Variants in ARFGEF3 observed in about 807,000 individuals in gnomAD.
The protein encoded by ARFGEF3 is ARFGEF family member 3.
ARFGEF3 carries 96 observed loss-of-function variants against 221.7 expected under a neutral mutation model. That is an observed-to-expected ratio of 0.43 (90% confidence interval 0.37 to 0.51). The LOEUF (loss-of-function observed/expected upper bound fraction) is 0.51, where lower values mean the gene tolerates loss of function less well. Among genes scored for constraint, ARFGEF3 ranks in the 20% least tolerant of loss-of-function variants. ARFGEF3 has a pLI of 0.00. For missense variants in ARFGEF3, 2,410 were observed against 2,789.9 expected (o/e 0.86, Z 3.07); for synonymous variants, 1,145 against 1,126.8 (o/e 1.02, Z -0.32).
At chr6:138,289,031 G>A (rs1779350165) in intron 17 of ARFGEF3, among the ~76,000 whole-genome samples, 2 of 152,120 alleles carry the variant, frequency 1.3e-5, no homozygotes, top group Non-Finnish European at 2.9e-5. Context: ...TCGGCTTACT[G>A]CAATCTCCGC....
intron 14 of ARFGEF3, among the ~76,000 whole-genome samples, chr6:138,285,734 A>G (rs1156725267): frequency 6.6e-6 from 1 of 152,226 alleles, no homozygotes; most frequent in Non-Finnish European, 1.5e-5. Flanking sequence ...GATAGGCAAC[A>G]ATGTAACAGA....
intron 1 of ARFGEF3, among the ~76,000 whole-genome samples, chr6:138,170,273 A>G (rs2114428221): frequency 6.6e-6 from 1 of 152,380 alleles, no homozygotes; most frequent in South Asian, 2.1e-4. Flanking sequence ...AAAGTCTTTC[A>G]CAAGTATGAA....
intron 4 of ARFGEF3, among the ~76,000 whole-genome samples, chr6:138,228,656 C>T (rs1378903293): frequency 3.3e-5 from 5 of 152,194 alleles, no homozygotes; most frequent in South Asian, 2.1e-4. Context: ...TCTGAAGGAG[C>T]GACTGTTCCT....
Position 138,257,225 on chromosome 6 carries a change from C to T in ARFGEF3, c.1104+1456C>T, listed in dbSNP as rs1040900372. 2.0e-5 allele frequency among the ~76,000 whole-genome samples: 3 copies of T among 152,186 alleles called. 1 individual carries two copies. Among genetic ancestry groups the T allele is most frequent in the Non-Finnish European group, 2.9e-5 (2 of 68,044 alleles). On this transcript the variant is annotated intron_variant, in intron 10 of 33. Coordinates refer to ENST00000251691, the MANE Select transcript of ARFGEF3 (RefSeq NM_020340.5). ...AGGCCAGTGAGACTAGACCACACTT[C>T]ACCACTCAGACAGCAGTGGCCCTTC...
At chr6:138,260,545 T>C (rs1778771931) in intron 10 of ARFGEF3, among the ~76,000 whole-genome samples, 1 of 152,182 alleles carries the variant, frequency 6.6e-6, no homozygotes, top group Non-Finnish European at 1.5e-5. Context: ...AATGGGAGGA[T>C]ATGTATAGCT....
At chr6:138,210,154 T>C in intron 4 of ARFGEF3, 113 bp downstream of exon 4, 1 of 1,030,570 alleles carries the variant, frequency 9.7e-7, no homozygotes, top group Non-Finnish European at 1.4e-6. Flanking sequence ...CTCATCTTCA[T>C]TTGGAACGGA....
At chr6:138,286,249 G>C (rs903022500) in intron 15 of ARFGEF3, among the ~76,000 whole-genome samples, 196 bp downstream of exon 15, 33 of 152,174 alleles carry the variant, frequency 2.2e-4, no homozygotes, top group Non-Finnish European at 4.0e-4. Flanking sequence ...AGGAGATCCA[G>C]ACCATCCTGG....
intron 2 of ARFGEF3, among the ~76,000 whole-genome samples, chr6:138,186,669 T>TGTCCTCACACTGTCA: frequency 6.6e-6 from 1 of 152,312 alleles, no homozygotes; most frequent in Non-Finnish European, 1.5e-5. Flanking sequence ...AGGAGAAGGC[T>TGTCCTCACACTGTCA]GCTCACACTG....
intron 19 of ARFGEF3, among the ~76,000 whole-genome samples, chr6:138,293,623 T>G (rs576224323): frequency 6.6e-6 from 1 of 152,230 alleles, no homozygotes; most frequent in African/African-American, 2.4e-5. Context: ...TTTACTGGGG[T>G]TTTTTGACAT....
intron 29 of ARFGEF3, among the ~76,000 whole-genome samples, chr6:138,322,933 C>A (rs1217302140): frequency 6.6e-6 from 1 of 151,556 alleles, no homozygotes; most frequent in Non-Finnish European, 1.5e-5. Flanking sequence ...GAAGCAAGGA[C>A]CTCGTTGTAG....
intron 2 of ARFGEF3, among the ~76,000 whole-genome samples, chr6:138,188,643 G>A (rs1175982489): frequency 6.6e-6 from 1 of 152,226 alleles, no homozygotes; most frequent in African/African-American, 2.4e-5. Flanking sequence ...CTATAAGGCA[G>A]TTACAGACAG....
intron 5 of ARFGEF3, among the ~76,000 whole-genome samples, chr6:138,237,011 T>TC (rs1778300032): frequency 6.6e-6 from 1 of 151,570 alleles, no homozygotes; most frequent in Non-Finnish European, 1.5e-5. Flanking sequence ...TTTTTTTTTT[T>TC]CAAATACAGT....
At chr6:138,239,319 T>C (rs1395035811) in intron 6 of ARFGEF3, among the ~76,000 whole-genome samples, 1 of 152,204 alleles carries the variant, frequency 6.6e-6, no homozygotes. Flanking sequence ...GCAAGGAGTG[T>C]TCTGAAATGA....
chr6:138,303,399 A>G (rs1214986328), intron 22 of ARFGEF3, among the ~76,000 whole-genome samples: 2 of 152,266 alleles, frequency 1.3e-5, no homozygotes, highest in African/African-American at 4.8e-5. Flanking sequence ...AACCATGTCA[A>G]TAATGGCATT....
In ARFGEF3 at chr6:138,329,288, A is replaced by G. The variant is rs377219107; in HGVS notation, c.5123+1146A>G. Among the ~76,000 whole-genome samples the G allele has an allele frequency of 4.6e-5, 7 of 152,132 alleles. No homozygotes were observed. The East Asian group carries it at 9.6e-4, about 21-fold the overall frequency. ...ACAGTGGATAGGTATTCCTACTCCC[A>G]TTTCACCCCTGAGGGCACATACAGA... On this transcript the variant is annotated intron_variant, in intron 32 of 33. Coordinates refer to ENST00000251691, the MANE Select transcript of ARFGEF3 (RefSeq NM_020340.5).
At chr6:138,306,488 G>T (rs1394440126) in intron 22 of ARFGEF3, among the ~76,000 whole-genome samples, 1 of 151,992 alleles carries the variant, frequency 6.6e-6, no homozygotes, top group Non-Finnish European at 1.5e-5. Flanking sequence ...AAACTGCAAA[G>T]AACAGAATAG....
At position 138,286,930 on chromosome 6, in the gene ARFGEF3, T is replaced by C. The variant is rs765961513; in HGVS notation, c.2785+14T>C. ...GCTGCGCTCTAGGTACCAGCGGGAG[T>C]AGTGTTCCCTGGCCGTGGTCCTGCA... On this transcript the variant is annotated intron_variant, in intron 16 of 33. Coordinates refer to ENST00000251691, the MANE Select transcript of ARFGEF3 (RefSeq NM_020340.5). The C allele has an allele frequency of 1.9e-6, 3 of 1,611,384 alleles. No individual in the cohort carries two copies. The highest frequency in any genetic ancestry group is 2.5e-6 in the Non-Finnish European group (3 of 1,179,088).
rs201554168 is a variant in ARFGEF3, at chr6:138,286,829, A to G, written c.2698A>G (p.Ile900Val). The G allele has an allele frequency of 2.5e-6, 4 of 1,614,040 alleles. No homozygotes were observed. The highest frequency in any genetic ancestry group is 1.7e-5 in the Admixed American group (1 of 60,032). The change falls in exon 16 of 34, where the codon ATC (isoleucine) becomes GTC (valine). Residue 900 changes from isoleucine to valine, a missense_variant. Ile to Val is a conservative substitution (Grantham distance 29). Around this residue, in one of 5 missense-constraint regions of ARFGEF3, gnomAD observed 594 missense variants for 734.3 expected, o/e 0.81. Transcript: ENST00000251691. ...GGCCTTCATTCTGGGAGCTGAAGGC[A>G]TCAAAGAGCAGAACCAGAAGGAGCG... ...GLAFILGAEGIKEQNQKERDA... is the reference protein window; with the variant it reads ...GLAFILGAEGVKEQNQKERDA...
intron 12 of ARFGEF3, among the ~76,000 whole-genome samples, chr6:138,275,075 C>T (rs1779072554): frequency 6.6e-6 from 1 of 151,804 alleles, no homozygotes; most frequent in Non-Finnish European, 1.5e-5. Context: ...CCATTGCACT[C>T]CAGCCTGGAC....
Sources: gnomAD v4.1 joint callset for allele counts (sites outside exome capture counted in the v4.1 genomes callset) on GRCh38, gnomAD v4.1.1 for gene constraint, gnomAD v4.1.1 regional missense constraint, MANE v1.5 for transcripts, NCBI Gene and HGNC (gene_info 2026-07-23, HGNC 2026-07-21) for gene names.